The following HLCS variants were observed in gnomAD, a reference collection of about 807,000 sequenced individuals.
The protein encoded by HLCS is biotin--protein ligase.
Under a neutral mutation model 75.0 loss-of-function variants are expected in HLCS, and 53 were observed. The ratio of observed to expected loss-of-function variants is 0.71; its 90% CI spans 0.57 to 0.89. HLCS has a LOEUF of 0.89. HLCS is among the 40% of genes least tolerant of loss of function. HLCS has a pLI of 0.00. For synonymous variants in HLCS, 431 were observed against 428.6 expected (o/e 1.01, Z -0.07); for missense variants, 966 against 1,074.0 (o/e 0.90, Z 1.41).
intron 6 of HLCS, among the ~76,000 whole-genome samples, chr21:36,813,446 C>A (rs1329654682): frequency 6.6e-6 from 1 of 152,180 alleles, no homozygotes; most frequent in Non-Finnish European, 1.5e-5. Flanking sequence ...TTCTACCACA[C>A]TGCCTATTTC....
chr21:36,963,298 G>A (rs1413767591), intron 1 of HLCS, among the ~76,000 whole-genome samples: 1 of 152,128 alleles, frequency 6.6e-6, no homozygotes, highest in Non-Finnish European at 1.5e-5. Flanking sequence ...GGGTATGCAG[G>A]AGGCTTTCAC....
In HLCS at chr21:36,749,778, A is replaced by G. The variant is rs2089312474; in HGVS notation, c.*4468T>C. On this transcript the variant is annotated 3_prime_UTR_variant, in exon 11 of 11. Coordinates refer to ENST00000674895, the MANE Select transcript of HLCS (RefSeq NM_001352514.2). ...GGAGATACCACCGACATTTTTCAAT[A>G]AAGTACTGCAAAATGCTTTTGTGTC... The G allele has an allele frequency of 6.6e-6, 1 of 152,230 alleles. No individual in the cohort carries two copies. Among genetic ancestry groups the G allele is most frequent in the Non-Finnish European group, 1.5e-5 (1 of 68,044 alleles). The allele number at this position is 152,230 out of a possible 1,614,324, so 9.4% of individuals were successfully genotyped here.
chr21:36,774,833 C>A (rs2060308575), intron 6 of HLCS, among the ~76,000 whole-genome samples: 1 of 152,226 alleles, frequency 6.6e-6, no homozygotes, highest in African/African-American at 2.4e-5. Flanking sequence ...GGCTCTTCGG[C>A]TGACTTTGTT....
chr21:36,800,361 G>C (rs2061162041), intron 6 of HLCS, among the ~76,000 whole-genome samples: 1 of 152,142 alleles, frequency 6.6e-6, no homozygotes, highest in South Asian at 2.1e-4. Context: ...AGAAACAGCA[G>C]TCATTTGAAC....
intron 9 of HLCS, among the ~76,000 whole-genome samples, chr21:36,758,848 T>G (rs925587397): frequency 8.5e-5 from 13 of 152,112 alleles, no homozygotes; most frequent in African/African-American, 3.1e-4. Context: ...CTGGGTGTGG[T>G]GGCGGGCACC....
chr21:36,931,909 T>C (rs919799142), intron 4 of HLCS, among the ~76,000 whole-genome samples: 20 of 152,214 alleles, frequency 1.3e-4, no homozygotes, highest in African/African-American at 4.8e-4. Flanking sequence ...GCTCTCCCCA[T>C]GTCTGCACGG....
intron 6 of HLCS, among the ~76,000 whole-genome samples, chr21:36,780,268 A>AGT (rs2060486575): frequency 1.3e-5 from 2 of 152,060 alleles, no homozygotes; most frequent in South Asian, 4.1e-4. Flanking sequence ...TTTCAGACGG[A>AGT]GTCTCACTCT....
intron 6 of HLCS, among the ~76,000 whole-genome samples, chr21:36,792,688 G>T (rs963868190): frequency 6.6e-6 from 1 of 152,156 alleles, no homozygotes; most frequent in Non-Finnish European, 1.5e-5. Flanking sequence ...GCTGTCAAGA[G>T]GCATGCCCAG....
rs540143144 is a variant in HLCS, at chr21:36,830,261, T to C, written c.1893-62976A>G. ...TTCTGGCCTTCAGAGCTGGGAGAAA[T>C]GAATGTCTGTTGTTGAAGCTACCCC... On this transcript the variant is annotated intron_variant, in intron 6 of 10. Coordinates refer to ENST00000674895, the MANE Select transcript of HLCS (RefSeq NM_001352514.2). Among the ~76,000 whole-genome samples the C allele has an allele frequency of 5.5e-4, 83 of 152,064 alleles. No homozygotes were observed. In the Middle Eastern group the frequency reaches 0.01, roughly 19 times the overall value.
chr21:36,764,229 T>C (rs1325955321), intron 8 of HLCS, among the ~76,000 whole-genome samples: 1 of 152,150 alleles, frequency 6.6e-6, no homozygotes, highest in Non-Finnish European at 1.5e-5. Flanking sequence ...AAACTCCATC[T>C]CTACTAACAA....
chr21:36,947,401 C>A, intron 2 of HLCS: 1 of 985,428 alleles, frequency 1.0e-6, no homozygotes, highest in African/African-American at 1.7e-5. Context: ...CTTCAAGCAG[C>A]GCTGGGTGCT....
intron 6 of HLCS, among the ~76,000 whole-genome samples, chr21:36,891,949 T>G (rs766992971): frequency 1.3e-5 from 2 of 152,116 alleles, no homozygotes; most frequent in African/African-American, 2.4e-5. Context: ...ACGGTTTCAT[T>G]TGGCCCAAGG....
intron 6 of HLCS, among the ~76,000 whole-genome samples, chr21:36,816,333 C>A (rs774509394): frequency 2.0e-5 from 3 of 151,458 alleles, no homozygotes; most frequent in Non-Finnish European, 4.4e-5. Flanking sequence ...GAGGTCAAGG[C>A]TGCAGTGAGC....
At chr21:36,961,720 G>C (rs999602856) in intron 2 of HLCS, among the ~76,000 whole-genome samples, 1 of 152,026 alleles carries the variant, frequency 6.6e-6, no homozygotes, top group Non-Finnish European at 1.5e-5. Context: ...TTGGGAGGCC[G>C]AGGCAGGTGG....
rs2066945013 is a variant in HLCS at position 36,937,397 on chromosome 21, G to A, written c.494-5C>T. ...TGGAGTCCTGCAAGTGCACCGCTAA[G>A]GCATGAATAGGAGAGAGAGACAGAA... On this transcript the variant is annotated splice_polypyrimidine_tract_variant and splice_region_variant and intron_variant, in intron 3 of 10. Coordinates refer to ENST00000674895, the MANE Select transcript of HLCS (RefSeq NM_001352514.2). 2 of 1,609,584 alleles carry A rather than the reference G, an allele frequency of 1.2e-6. No homozygotes were observed. The highest frequency in any genetic ancestry group is 2.2e-5 in the East Asian group (1 of 44,848).
intron 6 of HLCS, among the ~76,000 whole-genome samples, chr21:36,885,704 C>T (rs575085964): frequency 3.3e-5 from 5 of 152,068 alleles, no homozygotes; most frequent in South Asian, 2.1e-4. Context: ...ATTATCTCGG[C>T]GCATCCTCAC....
chr21:36,901,547 G>T (rs567759029), intron 5 of HLCS, among the ~76,000 whole-genome samples: 1 of 152,286 alleles, frequency 6.6e-6, no homozygotes, highest in East Asian at 1.9e-4. Flanking sequence ...CACGTCAACG[G>T]GGCCGTGCCT....
chr21:36,793,356 C>T (rs983916709), intron 6 of HLCS, among the ~76,000 whole-genome samples: 2 of 141,812 alleles, frequency 1.4e-5, no homozygotes, highest in Non-Finnish European at 1.5e-5. Context: ...AGTGCAGTGG[C>T]GCAATCTTGG....
At chr21:36,818,732 C>A (rs1188354435) in intron 6 of HLCS, among the ~76,000 whole-genome samples, 1 of 152,126 alleles carries the variant, frequency 6.6e-6, no homozygotes, top group East Asian at 1.9e-4. Context: ...TATTTGAACA[C>A]TTCTCTTTTT....
Sources: gnomAD v4.1 joint callset for allele counts (sites outside exome capture counted in the v4.1 genomes callset) on GRCh38, gnomAD v4.1.1 for gene constraint, MANE v1.5 for transcripts, NCBI Gene and HGNC (gene_info 2026-07-23, HGNC 2026-07-21) for gene names.